Variants in YLPM1 observed in about 807,000 individuals in gnomAD.
The protein encoded by YLPM1 is YLP motif-containing protein 1.
In YLPM1, 99 loss-of-function variants were observed where a neutral mutation model predicts 230.0. The observed-to-expected ratio is 0.43, with a 90% CI of 0.37 to 0.51. The LOEUF is 0.51. Ranked by LOEUF, YLPM1 falls within the 20% of genes least tolerant of loss-of-function variation. YLPM1 has a pLI of 0.00. For synonymous variants in YLPM1, 984 were observed against 942.5 expected (o/e 1.04, Z -0.81); for missense variants, 2,592 against 2,707.7 (o/e 0.96, Z 0.95).
At chr14:74,769,680 C>T (rs544596024) in intron 1 of YLPM1, among the ~76,000 whole-genome samples, 53 of 151,746 alleles carry the variant, frequency 3.5e-4, no homozygotes, top group African/African-American at 1.2e-3. Context: ...GCTACGGCCT[C>T]CCAAAGTGCT....
intron 11 of YLPM1, among the ~76,000 whole-genome samples, chr14:74,815,604 A>G (rs1012556626): frequency 2.7e-5 from 4 of 150,592 alleles, no homozygotes; most frequent in African/African-American, 9.7e-5. Flanking sequence ...AACCACTGCC[A>G]CCGTTTGGTT....
intron 4 of YLPM1, among the ~76,000 whole-genome samples, chr14:74,789,451 A>C (rs1372569872): frequency 6.6e-6 from 1 of 152,042 alleles, no homozygotes; most frequent in East Asian, 1.9e-4. Context: ...TCCTGACCTC[A>C]GGTGATCCAT....
At position 74,780,455 on chromosome 14, in the gene YLPM1, A is replaced by G. The variant is rs777998556; in HGVS notation, c.1161A>G (p.Ala387=). ...DARLKQLQAA[A]AHWQQHQQHR... Reference sequence around the variant, plus strand: ...GGTTAAAGCAGTTGCAGGCTGCAGCAGCACACTGGCAGCAGCACCAGCAGC... The same window carrying G: ...GGTTAAAGCAGTTGCAGGCTGCAGCGGCACACTGGCAGCAGCACCAGCAGC... The change falls in exon 3 of 21, where the codon GCA becomes GCG. Residue 387 remains alanine, a synonymous_variant. Transcript: ENST00000325680. 20 of 1,613,944 alleles carry G rather than the reference A, an allele frequency of 1.2e-5. No individual in the cohort carries two copies. In the South Asian group the frequency reaches 2.1e-4, roughly 17 times the overall value.
At chr14:74,831,482 A>G (rs1396557553) in intron 19 of YLPM1, among the ~76,000 whole-genome samples, 2 of 152,208 alleles carry the variant, frequency 1.3e-5, no homozygotes, top group Non-Finnish European at 2.9e-5. Context: ...TCTGGTAACA[A>G]TTAGTAATCT....
intron 4 of YLPM1, among the ~76,000 whole-genome samples, chr14:74,790,524 A>G (rs763346666): frequency 8.5e-5 from 13 of 152,080 alleles, no homozygotes; most frequent in Non-Finnish European, 1.3e-4. Context: ...AGGTTTTTAC[A>G]TTTTGGAGTT....
chr14:74,810,743 T>TATA (rs762506577), intron 9 of YLPM1, among the ~76,000 whole-genome samples: 16 of 146,168 alleles, frequency 1.1e-4, no homozygotes, highest in East Asian at 6.0e-4. Context: ...TTATTATTAT[T>TATA]ATACCTAAGG....
At position 74,799,134 on chromosome 14, in the gene YLPM1, T is replaced by C; in HGVS notation, c.3837T>C (p.Asn1279=). 6.2e-7 allele frequency: 1 copy of C among 1,613,654 alleles called. No individual in the cohort carries two copies. The highest frequency in any genetic ancestry group is 8.5e-7 in the Non-Finnish European group (1 of 1,179,784). The change falls in exon 5 of 21, where the codon AAT becomes AAC. Residue 1279 remains asparagine, a synonymous_variant. Transcript: ENST00000325680. The part of the protein sequence containing the change: ...ERDQDMDEDY[N]REMERDMDRD... ...ACCAGGATATGGATGAGGACTACAA[T>C]AGGGAAATGGAAAGGGACATGGACA...
chr14:74,780,279 A>G (rs192646818), intron 2 of YLPM1, 126 bp from the exon 3 acceptor site: 3 of 1,183,214 alleles, frequency 2.5e-6, no homozygotes, highest in Non-Finnish European at 3.4e-6. Flanking sequence ...AAAGAACTGA[A>G]GATACTGTGT....
In YLPM1 at chr14:74,781,760, G is replaced by A. The variant is rs201425929; in HGVS notation, c.1717G>A (p.Val573Ile). 3.4e-5 allele frequency: 54 copies of A among 1,602,398 alleles called. No individual in the cohort carries two copies. Among genetic ancestry groups the A allele is most frequent in the Non-Finnish European group, 4.1e-5 (48 of 1,177,628 alleles). Residue 573 changes from valine (V) to isoleucine (I), a missense_variant, in exon 4 of 21, where the codon GTT becomes ATT. Val to Ile is a conservative substitution (Grantham distance 29). This residue lies in a region of YLPM1 where 1,862 missense variants were observed against 1,819.8 expected (regional missense o/e 1.02). Coordinates refer to ENST00000325680, the MANE Select transcript of YLPM1 (RefSeq NM_019589.3). ...PVMPPSLPTS[V>I]PPPGMPPSLS... is the part of the protein sequence containing the mutation. ...TATGCCACCTTCTCTACCAACCTCT[G>A]TTCCCCCACCAGGGATGCCTCCTTC...
At chr14:74,800,072 ATAGAC>A (rs1371988475) in intron 5 of YLPM1, among the ~76,000 whole-genome samples, 2 of 152,234 alleles carry the variant, frequency 1.3e-5, no homozygotes, top group Non-Finnish European at 2.9e-5. Context: ...ATTAGATCTG[ATAGAC>A]TTTATATTCA....
chr14:74,788,008 A>G, intron 4 of YLPM1, among the ~76,000 whole-genome samples: 1 of 152,224 alleles, frequency 6.6e-6, no homozygotes, highest in African/African-American at 2.4e-5. Flanking sequence ...GTCTGTCTCA[A>G]AAATAAAAAT....
chr14:74,804,253 C>T (rs1029121520), intron 6 of YLPM1, among the ~76,000 whole-genome samples: 11 of 152,218 alleles, frequency 7.2e-5, no homozygotes, highest in Non-Finnish European at 1.2e-4. Flanking sequence ...CTTCAGGCAG[C>T]GTCGATGTGA....
Position 74,763,417 on chromosome 14 carries a change from G to C in YLPM1, c.-73G>C, listed in dbSNP as rs898700159. 1.0e-4 allele frequency: 137 copies of C among 1,368,164 alleles called. No homozygotes were observed. Among genetic ancestry groups the C allele is most frequent in the Non-Finnish European group, 1.2e-4 (129 of 1,053,158 alleles). 84.8% of individuals were successfully genotyped at this position (1,368,164 alleles called of 1,614,324 possible). On this transcript the variant is annotated 5_prime_UTR_variant, in exon 1 of 21. Transcript: ENST00000325680. Reference sequence around the variant, plus strand: ...GCCGCGAGTTCCGGCTGTCGCCGTCGCCGCCGCGGCTCCTGGAGGTCGGTT... The same window carrying C: ...GCCGCGAGTTCCGGCTGTCGCCGTCCCCGCCGCGGCTCCTGGAGGTCGGTT...
At chr14:74,767,554 C>A (rs1284019991) in intron 1 of YLPM1, among the ~76,000 whole-genome samples, 1 of 152,190 alleles carries the variant, frequency 6.6e-6, no homozygotes, top group Non-Finnish European at 1.5e-5. Flanking sequence ...AACAGCGTCC[C>A]TGACCTCTAC....
intron 16 of YLPM1, among the ~76,000 whole-genome samples, chr14:74,820,133 C>T (rs913717972): frequency 1.3e-5 from 2 of 152,218 alleles, no homozygotes; most frequent in African/African-American, 4.8e-5. Context: ...ATACCTCAAA[C>T]TCAACCTATC....
Position 74,809,523 on chromosome 14 carries a change from A to T in YLPM1, c.4665A>T (p.Leu1555=). The change falls in exon 7 of 21, where the codon CTA becomes CTT. Residue 1555 remains leucine, a synonymous_variant. Transcript: ENST00000325680. ...PIPPPPPPPP[L]PPPPPVIKPQ... is the part of the protein sequence containing the mutation. ...CACCACCTCCACCTCCTCCACCTCT[A>T]CCTCCTCCTCCTCCAGTGATAAAGC... is the stretch of plus-strand genomic sequence containing the variant. 1 of 1,587,322 alleles carries T rather than the reference A, an allele frequency of 6.3e-7. No individual in the cohort carries two copies. The highest frequency in any genetic ancestry group is 1.1e-5 in the South Asian group (1 of 87,778).
chr14:74,763,821 C>G lies in YLPM1; in HGVS notation c.332C>G (p.Pro111Arg), dbSNP rs755872108. The change falls in exon 1 of 21, where the codon CCC becomes CGC. Residue 111 changes from proline (P) to arginine (R), a missense_variant. By Grantham distance (103) the Pro-to-Arg change is moderately radical (BLOSUM62 -2). Around this residue, in one of 4 missense-constraint regions of YLPM1, gnomAD observed 1,862 missense variants for 1,819.8 expected, o/e 1.02. Transcript: ENST00000325680. ...CCACCGCCACCGATGCCCCCGCCAC[C>G]CGGGCCGGCCCTCAGCTATCAGAAG... is the stretch of plus-strand genomic sequence containing the variant. ...QPPPPPMPPPPGPALSYQKQQ... is the reference protein window; with the variant it reads ...QPPPPPMPPPRGPALSYQKQQ... The G allele has an allele frequency of 6.6e-7, 1 of 1,512,328 alleles. No homozygotes were observed. The highest frequency in any genetic ancestry group is 2.3e-5 in the East Asian group (1 of 42,686). 93.7% of individuals were successfully genotyped at this position (1,512,328 alleles called of 1,614,324 possible). A position where few individuals can be genotyped will look rare whatever the true frequency, so the allele number is the denominator to read the frequency against.
chr14:74,768,635 G>A (rs114730973), intron 1 of YLPM1, among the ~76,000 whole-genome samples: 105 of 152,328 alleles, frequency 6.9e-4, no homozygotes, highest in African/African-American at 2.4e-3. Flanking sequence ...TTAGTTTTTA[G>A]AGGTATCATT....
rs765421498 is a variant in YLPM1 at position 74,798,221 on chromosome 14, CATT to C, written c.2926_2928del (p.Leu976del). On this transcript the variant is annotated inframe_deletion, in exon 5 of 21. Coordinates refer to ENST00000325680, the MANE Select transcript of YLPM1 (RefSeq NM_019589.3). ...GGAGGAACAGCAGTAGCAACATCAT[CATT>C]AACAGCAGATAATGATTTTAAACCT... The C allele has an allele frequency of 1.2e-6, 2 of 1,613,988 alleles. No homozygotes were observed. The highest frequency in any genetic ancestry group is 1.7e-6 in the Non-Finnish European group (2 of 1,179,900).
Sources: gnomAD v4.1 joint callset for allele counts (sites outside exome capture counted in the v4.1 genomes callset) on GRCh38, gnomAD v4.1.1 for gene constraint, gnomAD v4.1.1 regional missense constraint, MANE v1.5 for transcripts, NCBI Gene and HGNC (gene_info 2026-07-23, HGNC 2026-07-21) for gene names.